Variants in ZNF273 observed in about 807,000 individuals in gnomAD.
ZNF273 encodes the protein zinc finger protein 9.
A neutral mutation model predicts 14.9 loss-of-function variants in ZNF273; 11 were observed. The ratio of observed to expected loss-of-function variants is 0.74; its 90% CI spans 0.46 to 1.22. The LOEUF is 1.22. Among genes scored for constraint, ZNF273 ranks in the 50% most tolerant of loss-of-function variants. The pLI is 0.00. For synonymous variants in ZNF273, 199 were observed against 223.9 expected (o/e 0.89, Z 0.99); for missense variants, 577 against 660.6 (o/e 0.87, Z 1.39).
At chr7:64,889,345 C>T (rs4718158), downstream of ZNF273, 417,537 of 959,720 alleles carry the variant, frequency 0.44, 91,652 homozygotes, top group Non-Finnish European at 0.44. The surrounding 1 kb of genome is among the most constrained non-coding windows in gnomAD (Gnocchi z 4.2). Context: ...TCCGCCCCAA[C>T]AGCTGGTGCT....
rs34604187 is a variant in ZNF273, at chr7:64,896,680, T to G, written n.489-668T>G. ...TAAATTAAAACAGCCCTTGGAAAAA[T>G]AGTATCTTTTATTAATAATGCAGAT... On this transcript the variant is annotated intron_variant and non_coding_transcript_variant, in intron 3 of 7. Coordinates refer to the ZNF273 transcript ENST00000527278. Among the ~76,000 whole-genome samples the G allele has an allele frequency of 2.1e-3, 320 of 152,166 alleles. 7 individuals are homozygous for G. The East Asian group carries it at 0.054, about 26-fold the overall frequency.
Position 64,930,328 on chromosome 7 carries a change from T to TAG in ZNF273, c.*1295_*1296dup, listed in dbSNP as rs1041580841. 6.6e-6 allele frequency: 1 copy of TAG among 152,212 alleles called. No individual in the cohort carries two copies. The allele number at this position is 152,212 out of a possible 1,614,324, so 9.4% of individuals were successfully genotyped here. A position where few individuals can be genotyped will look rare whatever the true frequency, so the allele number is the denominator to read the frequency against. On this transcript the variant is annotated 3_prime_UTR_variant, in exon 4 of 4. Coordinates refer to ENST00000476120, the MANE Select transcript of ZNF273 (RefSeq NM_021148.3). ...GAAAGATGCATGATGAAAATCTAAG[T>TAG]AGAGAGGCTCTTGTGGTTAACTGAT...
intron 3 of ZNF273, among the ~76,000 whole-genome samples, chr7:64,919,750 A>G (rs1241185925): frequency 6.6e-6 from 1 of 152,172 alleles, no homozygotes; most frequent in Non-Finnish European, 1.5e-5. Flanking sequence ...TGAAACCATA[A>G]CATACGCTTG....
Position 64,927,957 on chromosome 7 carries a change from A to T in ZNF273, c.629A>T (p.Glu210Val). ...QTGKKPFKCK[E>V]CGKSCCILSQ... ...GGAAAGAAACCTTTCAAATGTAAAG[A>T]ATGTGGCAAATCATGTTGCATACTT... Residue 210 changes from glutamate (E) to valine (V), a missense_variant, in exon 4 of 4, where the codon GAA (glutamate) becomes GTA (valine). By Grantham distance (121) the Glu-to-Val change is moderately radical. This residue lies in a region of ZNF273 where 411 missense variants were observed against 440.4 expected (regional missense o/e 0.93). Coordinates refer to ENST00000476120, the MANE Select transcript of ZNF273 (RefSeq NM_021148.3). 6.2e-7 allele frequency: 1 copy of T among 1,613,900 alleles called. No homozygotes were observed. The highest frequency in any genetic ancestry group is 1.1e-5 in the South Asian group (1 of 91,008).
At chr7:64,932,397 A>G (rs576603616), downstream of ZNF273, among the ~76,000 whole-genome samples, 26 of 151,910 alleles carry the variant, frequency 1.7e-4, no homozygotes, top group African/African-American at 6.0e-4. Context: ...CACAACCTCC[A>G]CCTCCTGGGT....
At chr7:64,902,568 A>G (rs1250908833), upstream of ZNF273, among the ~76,000 whole-genome samples, 1 of 152,168 alleles carries the variant, frequency 6.6e-6, no homozygotes, top group African/African-American at 2.4e-5. Context: ...CGTCTTTACT[A>G]AAAATAGAAA....
At chr7:64,933,286 T>C (rs541359652), downstream of ZNF273, 38 of 152,366 alleles carry the variant, frequency 2.5e-4, no homozygotes, top group African/African-American at 8.7e-4. Flanking sequence ...CTTTTCTTAA[T>C]ATATATTTTT....
intron 1 of ZNF273, among the ~76,000 whole-genome samples, chr7:64,916,289 A>G (rs935752821): frequency 4.6e-5 from 7 of 150,870 alleles, no homozygotes; most frequent in African/African-American, 1.7e-4. Context: ...CTGTAATCCC[A>G]TACACTTTTG....
At chr7:64,901,017 T>C (rs1792680206), upstream of ZNF273, among the ~76,000 whole-genome samples, 1 of 152,028 alleles carries the variant, frequency 6.6e-6, no homozygotes, top group South Asian at 2.1e-4. Flanking sequence ...TTTTTTTTTT[T>C]TTGTAGAGAG....
chr7:64,927,600 G>T (rs1794822532), intron 3 of ZNF273, 54 bp from the exon 4 acceptor site: 1 of 1,433,870 alleles, frequency 7.0e-7, no homozygotes. Flanking sequence ...GATTTGTAAA[G>T]TATATTCATC....
In ZNF273 at chr7:64,928,944, A is replaced by G. The variant is rs373168255; in HGVS notation, c.1616A>G (p.Glu539Gly). ...CGACATAAGAAAATTCATACTGGAG[A>G]GAAACCATACAAACCTAAAAGATGT... ...LTRHKKIHTG[E>G]KPYKPKRCDS... Residue 539 changes from glutamate to glycine, a missense_variant, in exon 4 of 4, where the codon GAG becomes GGG. Glu to Gly is a moderately conservative substitution (Grantham distance 98). Around this residue, in one of 3 missense-constraint regions of ZNF273, gnomAD observed 411 missense variants for 440.4 expected, o/e 0.93. Transcript: ENST00000476120. 1.2e-6 allele frequency: 2 copies of G among 1,612,748 alleles called. No individual in the cohort carries two copies. The highest frequency in any genetic ancestry group is 2.7e-5 in the African/African-American group (2 of 74,846).
chr7:64,928,265 A>T lies in ZNF273; in HGVS notation c.937A>T (p.Thr313Ser). Reference protein sequence around the residue: ...SVLTKHKIIHTGTKPYNCEEC... With the variant: ...SVLTKHKIIHSGTKPYNCEEC... Reference sequence around the variant, plus strand: ...CCTTACTAAACATAAGATAATTCATACAGGAACAAAACCCTACAATTGTGA... The same window carrying T: ...CCTTACTAAACATAAGATAATTCATTCAGGAACAAAACCCTACAATTGTGA... The change falls in exon 4 of 4, where the codon ACA becomes TCA. Residue 313 changes from threonine (T) to serine (S), a missense_variant. By Grantham distance (58) the Thr-to-Ser change is moderately conservative. Coordinates refer to ENST00000476120, the MANE Select transcript of ZNF273 (RefSeq NM_021148.3). 1 of 1,612,648 alleles carries T rather than the reference A, an allele frequency of 6.2e-7. No homozygotes were observed. The highest frequency in any genetic ancestry group is 8.5e-7 in the Non-Finnish European group (1 of 1,179,526).
At chr7:64,908,705 C>G (rs759147441) in intron 1 of ZNF273, among the ~76,000 whole-genome samples, 2 of 152,100 alleles carry the variant, frequency 1.3e-5, no homozygotes, top group African/African-American at 2.4e-5. Context: ...ATCTGCTGGG[C>G]TCTGCCTCCC....
intron 1 of ZNF273, 112 bp from the exon 2 acceptor site, chr7:64,917,469 T>C: frequency 6.8e-7 from 1 of 1,480,436 alleles, no homozygotes; most frequent in Non-Finnish European, 9.1e-7. Flanking sequence ...TTTTAGTCAC[T>C]CCTATAAGTA....
chr7:64,880,370 C>T (rs1791211989), downstream of ZNF273: 1 of 152,156 alleles, frequency 6.6e-6, no homozygotes, highest in Non-Finnish European at 1.5e-5. Context: ...GACTACAGCA[C>T]TCTTGTATTC....
chr7:64,935,628 T>G (rs1407777394), downstream of ZNF273, among the ~76,000 whole-genome samples: 1 of 152,120 alleles, frequency 6.6e-6, no homozygotes, highest in East Asian at 1.9e-4. Context: ...GTGCAAGCTA[T>G]TCTCCTGCCT....
At chr7:64,880,534 G>A (rs1214245929), downstream of ZNF273, among the ~76,000 whole-genome samples, 1 of 152,078 alleles carries the variant, frequency 6.6e-6, no homozygotes, top group East Asian at 1.9e-4. Flanking sequence ...GTGCCTGTAT[G>A]TGGCGTCAAC....
chr7:64,935,236 T>G (rs1291694894), downstream of ZNF273, among the ~76,000 whole-genome samples: 1 of 152,192 alleles, frequency 6.6e-6, no homozygotes, highest in African/African-American at 2.4e-5. Context: ...TTAACTTTTT[T>G]TCCAAGCTGG....
chr7:64,884,226 GT>G (rs1426184138), downstream of ZNF273, among the ~76,000 whole-genome samples: 1 of 152,124 alleles, frequency 6.6e-6, no homozygotes, highest in Non-Finnish European at 1.5e-5. Context: ...TGCACTCCAG[GT>G]TGTGGGTAGT....
Sources: allele counts gnomAD v4.1 joint callset (sites outside exome capture counted in the v4.1 genomes callset), GRCh38; gene constraint gnomAD v4.1.1; regional missense constraint gnomAD v4.1.1; non-coding constraint Gnocchi (gnomAD v3.1); transcripts MANE v1.5; gene names NCBI Gene and HGNC (gene_info 2026-07-23, HGNC 2026-07-21).